The following SORCS1 variants were observed in gnomAD, a reference collection of about 807,000 sequenced individuals.
The protein encoded by SORCS1 is sortilin related VPS10 domain containing receptor 1, also known as VPS10 domain-containing receptor SorCS1.
Under a neutral mutation model 146.1 loss-of-function variants are expected in SORCS1, and 60 were observed. That is an observed-to-expected ratio of 0.41 (90% CI 0.33 to 0.51). The LOEUF (loss-of-function observed/expected upper bound fraction) is 0.51, where lower values mean the gene tolerates loss of function less well. Among genes scored for constraint, SORCS1 ranks in the 20% least tolerant of loss-of-function variants. The pLI is 0.21. For missense variants in SORCS1, 1,352 were observed against 1,487.6 expected, an observed-to-expected ratio of 0.91 and a Z score of 1.50; for synonymous variants, 637 against 584.0, an observed-to-expected ratio of 1.09 and a Z score of -1.31.
At chr10:106,738,574 C>T (rs992486890) in intron 5 of SORCS1, among the ~76,000 whole-genome samples, 1 of 152,168 alleles carries the variant, frequency 6.6e-6, no homozygotes, top group Non-Finnish European at 1.5e-5. Flanking sequence ...GGAGATCCTG[C>T]GTGGGGCCAG....
At chr10:106,711,234 A>C (rs978088566) in intron 6 of SORCS1, among the ~76,000 whole-genome samples, 1 of 152,172 alleles carries the variant, frequency 6.6e-6, no homozygotes, top group Non-Finnish European at 1.5e-5. Context: ...GAGTATAAAA[A>C]AGGAGTTATT....
chr10:107,153,583 T>C (rs1027284130), intron 1 of SORCS1, among the ~76,000 whole-genome samples: 3 of 152,186 alleles, frequency 2.0e-5, no homozygotes, highest in African/African-American at 7.2e-5. Flanking sequence ...TGCTGCTGCA[T>C]ACTCAGGAAA....
chr10:106,985,411 C>T (rs34781621), intron 1 of SORCS1, among the ~76,000 whole-genome samples: 33,678 of 151,612 alleles, frequency 0.22, 4,502 homozygotes, highest in Middle Eastern at 0.33. Flanking sequence ...CCCAGAATTA[C>T]GCTTAAAGGC....
chr10:106,684,610 C>T (rs993183477), intron 10 of SORCS1, among the ~76,000 whole-genome samples: 2 of 152,114 alleles, frequency 1.3e-5, no homozygotes, highest in African/African-American at 4.8e-5. Context: ...AAAATATAGC[C>T]CAAATTACCC....
intron 1 of SORCS1, among the ~76,000 whole-genome samples, chr10:106,983,895 T>C (rs1956341273): frequency 6.6e-6 from 1 of 152,222 alleles, no homozygotes; most frequent in South Asian, 2.1e-4. Context: ...TTGTTACCTT[T>C]AAGTTGTCTA....
chr10:106,679,249 T>C lies in SORCS1; in HGVS notation c.1740+7A>G. On this transcript the variant is annotated splice_region_variant and intron_variant, in intron 12 of 25. Coordinates refer to ENST00000263054, the MANE Select transcript of SORCS1 (RefSeq NM_052918.5). ...CTTCAGCGATTTGACCCAGGGTATT[T>C]TCTTACCTGTCTCCAGGTGTTCCCT... is the stretch of plus-strand genomic sequence containing the variant. The C allele has an allele frequency of 6.2e-7, 1 of 1,608,244 alleles. No individual in the cohort carries two copies.
At chr10:106,741,056 T>C (rs1383578823) in intron 5 of SORCS1, among the ~76,000 whole-genome samples, 1 of 152,184 alleles carries the variant, frequency 6.6e-6, no homozygotes, top group African/African-American at 2.4e-5. Context: ...AAGGAATCCT[T>C]TAGGGACAGA....
At chr10:106,770,645 TACAC>T (rs1374269885) in intron 4 of SORCS1, among the ~76,000 whole-genome samples, 3 of 152,186 alleles carry the variant, frequency 2.0e-5, no homozygotes, top group Non-Finnish European at 4.4e-5. Context: ...AGGTCATTGT[TACAC>T]ACATAAAAAT....
chr10:106,581,790 A>C (rs1844934649), intron 24 of SORCS1, among the ~76,000 whole-genome samples: 1 of 152,178 alleles, frequency 6.6e-6, no homozygotes, highest in Non-Finnish European at 1.5e-5. Flanking sequence ...TCTCTCTCTC[A>C]TCATTACCAC....
At chr10:106,954,542 C>A (rs1954843217) in intron 2 of SORCS1, among the ~76,000 whole-genome samples, 1 of 152,156 alleles carries the variant, frequency 6.6e-6, no homozygotes, top group Non-Finnish European at 1.5e-5. Context: ...TGTCTTGTGG[C>A]TTGAAGGTTG....
At chr10:106,702,456 G>A (rs1358902494) in intron 8 of SORCS1, among the ~76,000 whole-genome samples, 1 of 152,186 alleles carries the variant, frequency 6.6e-6, no homozygotes, top group Non-Finnish European at 1.5e-5. Context: ...GGCTGGAAGA[G>A]TAAAGTGCAT....
chr10:106,819,480 T>C (rs1947908619), intron 3 of SORCS1, among the ~76,000 whole-genome samples: 1 of 152,120 alleles, frequency 6.6e-6, no homozygotes, highest in Admixed American at 6.5e-5. Context: ...AGGAAATAGG[T>C]GCTGAGTTGG....
At chr10:107,032,547 G>A (rs4466754) in intron 1 of SORCS1, among the ~76,000 whole-genome samples, 66,105 of 151,936 alleles carry the variant, frequency 0.44, 15,164 homozygotes, top group African/African-American at 0.6. Context: ...GTTTCCTGGA[G>A]TGGGAAATCT....
At chr10:107,044,862 G>A (rs1959231675) in intron 1 of SORCS1, among the ~76,000 whole-genome samples, 2 of 150,174 alleles carry the variant, frequency 1.3e-5, no homozygotes, top group Admixed American at 6.7e-5. Context: ...ATGCAATGAT[G>A]TATTATAGGT....
intron 1 of SORCS1, among the ~76,000 whole-genome samples, chr10:106,959,816 T>G (rs1589796234): frequency 6.6e-6 from 1 of 152,224 alleles, no homozygotes; most frequent in African/African-American, 2.4e-5. Context: ...CAGCTTTCAG[T>G]GGAACTTTTC....
At chr10:107,158,091 A>G (rs977787404) in intron 1 of SORCS1, among the ~76,000 whole-genome samples, 2 of 152,216 alleles carry the variant, frequency 1.3e-5, no homozygotes, top group African/African-American at 4.8e-5. Context: ...AATAACTTAA[A>G]CAAAAGAAAG....
chr10:106,615,473 T>G (rs1847295297), intron 21 of SORCS1, among the ~76,000 whole-genome samples: 1 of 152,208 alleles, frequency 6.6e-6, no homozygotes, highest in South Asian at 2.1e-4. Context: ...TGTTTAACTT[T>G]GCCTGCTCCA....
At chr10:106,946,082 G>A (rs1954327933) in intron 2 of SORCS1, among the ~76,000 whole-genome samples, 1 of 152,120 alleles carries the variant, frequency 6.6e-6, no homozygotes, top group Non-Finnish European at 1.5e-5. Flanking sequence ...AATTTCTCGA[G>A]GTCACGTAGC....
intron 9 of SORCS1, among the ~76,000 whole-genome samples, chr10:106,698,540 A>G (rs1211852103): frequency 2.0e-5 from 3 of 152,248 alleles, no homozygotes; most frequent in Non-Finnish European, 4.4e-5. Flanking sequence ...CTTCAATGGC[A>G]ATTAAAGCAT....
Sources: allele counts gnomAD v4.1 joint callset (sites outside exome capture counted in the v4.1 genomes callset), GRCh38; gene constraint gnomAD v4.1.1; transcripts MANE v1.5; gene names NCBI Gene and HGNC (gene_info 2026-07-23, HGNC 2026-07-21).